ANK2: variants seen among roughly 807,000 people sequenced by gnomAD.
The protein encoded by ANK2 is ankyrin-2.
Under a neutral mutation model 360.5 loss-of-function variants are expected in ANK2, and 83 were observed. The ratio of observed to expected loss-of-function variants is 0.23; its 90% confidence interval spans 0.19 to 0.28. ANK2 has a LOEUF of 0.28. ANK2 is among the 10% of genes least tolerant of loss of function. ANK2 has a pLI of 1.00. For missense variants in ANK2, 4,201 were observed against 4,795.7 expected (o/e 0.88, Z 3.66); for synonymous variants, 1,740 against 1,759.5 (o/e 0.99, Z 0.28).
chr4:112,995,101 A>G (rs2048107423), intron 2 of ANK2, among the ~76,000 whole-genome samples: 1 of 152,206 alleles, frequency 6.6e-6, no homozygotes, highest in Non-Finnish European at 1.5e-5. Context: ...GGTTAGAGTG[A>G]TTTAATTTCC....
intron 2 of ANK2, among the ~76,000 whole-genome samples, chr4:112,919,947 A>G (rs1015644144): frequency 6.6e-6 from 1 of 152,126 alleles, no homozygotes. Flanking sequence ...ATAATTTATT[A>G]TATTTAGAGT....
chr4:113,358,271 T>G lies in ANK2; in HGVS notation c.9653T>G (p.Val3218Gly). The G allele has an allele frequency of 2.5e-6, 4 of 1,614,028 alleles. No homozygotes were observed. The highest frequency in any genetic ancestry group is 3.4e-6 in the Non-Finnish European group (4 of 1,179,946). The change falls in exon 38 of 46, where the codon GTT (valine) becomes GGT (glycine). Residue 3218 changes from valine (V) to glycine (G), a missense_variant. This residue lies in a region of ANK2 where 2,642 missense variants were observed against 2,714.5 expected (regional missense o/e 0.97). Transcript: ENST00000357077. ...ACTGAAACACCTACAAAAGAAGCTG[T>G]TAGTGTAGGGACCAAGGACCTCCCC... Reference protein sequence around the residue: ...ASTETPTKEAVSVGTKDLPTV... With the variant: ...ASTETPTKEAGSVGTKDLPTV...
At chr4:113,266,079 G>A (rs935779428) in intron 14 of ANK2, among the ~76,000 whole-genome samples, 1 of 152,160 alleles carries the variant, frequency 6.6e-6, no homozygotes, top group African/African-American at 2.4e-5. Context: ...TCTACATTAT[G>A]TATTTCTCCT....
At chr4:113,347,364 T>C (rs2094976754) in intron 35 of ANK2, among the ~76,000 whole-genome samples, 1 of 152,122 alleles carries the variant, frequency 6.6e-6, no homozygotes, top group Non-Finnish European at 1.5e-5. Context: ...GCAGAATGTA[T>C]TTTGGGGTTT....
At chr4:112,723,903 A>T in the ANK2 span, among the ~76,000 whole-genome samples, 1 of 152,168 alleles carries the variant, frequency 6.6e-6, no homozygotes. Flanking sequence ...TACTAAAATT[A>T]TACTGTGTTT....
upstream of ANK2, among the ~76,000 whole-genome samples, chr4:112,815,479 G>T (rs973406461): frequency 6.6e-6 from 1 of 152,158 alleles, no homozygotes; most frequent in Non-Finnish European, 1.5e-5. Flanking sequence ...ATAATGAGGA[G>T]AGATTAGCAT....
chr4:112,868,995 C>CT (rs1301731152), intron 1 of ANK2, among the ~76,000 whole-genome samples: 4 of 152,084 alleles, frequency 2.6e-5, no homozygotes, highest in Non-Finnish European at 5.9e-5. Context: ...GGGTCTCACT[C>CT]TGTCACCTAG....
chr4:113,219,511 AC>A (rs1562965487), intron 4 of ANK2, among the ~76,000 whole-genome samples: 2 of 152,202 alleles, frequency 1.3e-5, no homozygotes, highest in East Asian at 1.9e-4. Context: ...ATTACAAAAA[AC>A]AATGAAGAAA....
In ANK2 at chr4:113,339,333, A is replaced by G. The variant is rs1433321683; in HGVS notation, c.3893+11A>G. The G allele has an allele frequency of 1.2e-6, 2 of 1,608,134 alleles. No homozygotes were observed. Among genetic ancestry groups the G allele is most frequent in the African/African-American group, 1.3e-5 (1 of 74,772 alleles). On this transcript the variant is annotated intron_variant, in intron 32 of 45. Transcript: ENST00000357077. ...AAACGTGTCTGCCAGGTATCGTTAT[A>G]TAGCACAGAAAAGCCCACTATGATA...
chr4:113,056,843 C>G (rs1445787436), intron 1 of ANK2, among the ~76,000 whole-genome samples: 1 of 152,052 alleles, frequency 6.6e-6, no homozygotes, highest in Non-Finnish European at 1.5e-5. Flanking sequence ...GTCATGAGAC[C>G]TGGTTTTTAT....
the ANK2 span, among the ~76,000 whole-genome samples, chr4:112,706,201 C>A: frequency 6.6e-6 from 1 of 152,024 alleles, no homozygotes; most frequent in African/African-American, 2.4e-5. Flanking sequence ...CCGCCGAACC[C>A]GCCGCGGATT....
Position 113,318,321 on chromosome 4 carries a change from A to G in ANK2, c.2797-196A>G, listed in dbSNP as rs113849563. On this transcript the variant is annotated intron_variant, in intron 25 of 45. Transcript: ENST00000357077. ...GACAATTACACGAATGTAATCTTAT[A>G]TAATCTATTTAAATAATGCAGTTTA... 7.9e-5 allele frequency among the ~76,000 whole-genome samples: 12 copies of G among 152,380 alleles called. 2 individuals are homozygous for G. The highest frequency in any genetic ancestry group is 2.6e-4 in the African/African-American group (11 of 41,594).
chr4:112,725,869 G>A, the ANK2 span, among the ~76,000 whole-genome samples: 4 of 152,042 alleles, frequency 2.6e-5, no homozygotes, highest in Admixed American at 1.3e-4. Context: ...CAGTGTAAAT[G>A]TGAAAATGGC....
At chr4:112,792,033 CTTTTTTTTTTTTT>C in the ANK2 span, among the ~76,000 whole-genome samples, 34 of 66,002 alleles carry the variant, frequency 5.2e-4, no homozygotes, top group African/African-American at 2.0e-3. Context: ...CACATCCTTT[CTTTTTTTTTTTTT>C]TTTTTTTTTT....
chr4:113,227,111 G>A (rs2099233344), intron 4 of ANK2, among the ~76,000 whole-genome samples: 1 of 152,180 alleles, frequency 6.6e-6, no homozygotes, highest in African/African-American at 2.4e-5. Flanking sequence ...GTGCTGCCAT[G>A]CCTTGTCCTA....
At chr4:113,267,090 A>G (rs1255420536) in intron 14 of ANK2, among the ~76,000 whole-genome samples, 1 of 152,168 alleles carries the variant, frequency 6.6e-6, no homozygotes, top group Non-Finnish European at 1.5e-5. Flanking sequence ...CGACTTTTCA[A>G]TGGGGTTGTA....
chr4:113,184,382 G>A (rs1174395675), intron 2 of ANK2, among the ~76,000 whole-genome samples: 1 of 151,992 alleles, frequency 6.6e-6, no homozygotes, highest in African/African-American at 2.4e-5. Context: ...GATAGCAATT[G>A]TGACTTTGTG....
At chr4:112,983,357 A>G (rs184702450) in intron 2 of ANK2, among the ~76,000 whole-genome samples, 40 of 150,976 alleles carry the variant, frequency 2.6e-4, no homozygotes, top group African/African-American at 9.7e-4. Context: ...TGAAGTGTAT[A>G]GACTTCTAAC....
intron 1 of ANK2, among the ~76,000 whole-genome samples, chr4:113,123,058 C>T (rs2095461793): frequency 6.6e-6 from 1 of 151,488 alleles, no homozygotes; most frequent in Non-Finnish European, 1.5e-5. Flanking sequence ...TTTAAGAAGA[C>T]AGTTGAAAGA....
Sources: gnomAD v4.1 joint callset for allele counts (sites outside exome capture counted in the v4.1 genomes callset) on GRCh38, gnomAD v4.1.1 for gene constraint, gnomAD v4.1.1 regional missense constraint, MANE v1.5 for transcripts, NCBI Gene and HGNC (gene_info 2026-07-23, HGNC 2026-07-21) for gene names.